NAA25: variants seen among roughly 807,000 people sequenced by gnomAD.
NAA25 encodes N-alpha-acetyltransferase 25, NatB auxiliary subunit, also known as N-terminal acetyltransferase B complex subunit NAA25.
NAA25 carries 30 observed loss-of-function variants against 132.5 expected under a neutral mutation model. The ratio of observed to expected loss-of-function variants is 0.23; its 90% CI spans 0.17 to 0.31. NAA25 has a LOEUF of 0.31. Among genes scored for constraint, NAA25 ranks in the 10% least tolerant of loss-of-function variants. The pLI is 1.00. For synonymous variants in NAA25, 359 were observed against 401.9 expected, an observed-to-expected ratio of 0.89 and a Z score of 1.28; for missense variants, 771 against 1,150.4, an observed-to-expected ratio of 0.67 and a Z score of 4.77.
rs573240106 is a variant in NAA25, at chr12:112,082,222, TG to T, written c.403-1089del. Among the ~76,000 whole-genome samples the T allele has an allele frequency of 1.4e-4, 21 of 152,134 alleles. No individual in the cohort carries two copies. The South Asian group carries it at 3.5e-3, about 26-fold the overall frequency. On this transcript the variant is annotated intron_variant, in intron 4 of 23. Transcript: ENST00000261745. ...GAGATCGTGCCACTGCACTCTAGCC[TG>T]GGCAACAGAGTAAGACTTTGTCTCC...
At chr12:112,053,459 T>C in intron 15 of NAA25, 99 bp downstream of exon 15, 1 of 865,420 alleles carries the variant, frequency 1.2e-6, no homozygotes. Context: ...TTCAGCATGG[T>C]GCACCTTAAC....
intron 9 of NAA25, among the ~76,000 whole-genome samples, chr12:112,072,949 A>C (rs1289738459): frequency 6.6e-6 from 1 of 151,248 alleles, no homozygotes; most frequent in Non-Finnish European, 1.5e-5. Context: ...AAAAAGAAAA[A>C]AAGGCCAGGC....
intron 1 of NAA25, among the ~76,000 whole-genome samples, chr12:112,097,747 C>T (rs1593837978): frequency 6.6e-6 from 1 of 152,102 alleles, no homozygotes; most frequent in African/African-American, 2.4e-5. Context: ...CCTCCCTTCT[C>T]CAGCCACAGC....
chr12:112,078,969 A>G (rs778016240), intron 5 of NAA25, among the ~76,000 whole-genome samples: 3 of 152,204 alleles, frequency 2.0e-5, no homozygotes, highest in Non-Finnish European at 1.5e-5. Flanking sequence ...CTTCCACAAT[A>G]CAACCTAGCA....
At chr12:112,047,818 T>A in intron 16 of NAA25, 28 bp from the exon 17 acceptor site, 4 of 1,571,408 alleles carry the variant, frequency 2.5e-6, no homozygotes, top group Non-Finnish European at 3.4e-6. Context: ...CCACATATTA[T>A]TTTAATAGTA....
chr12:112,084,180 C>G (rs1049971024), intron 4 of NAA25, among the ~76,000 whole-genome samples: 2 of 152,162 alleles, frequency 1.3e-5, no homozygotes, highest in African/African-American at 4.8e-5. Flanking sequence ...ACTAGCTACT[C>G]TTCATTTATG....
intron 1 of NAA25, among the ~76,000 whole-genome samples, chr12:112,095,427 ACTC>A (rs1352561978): frequency 6.7e-6 from 1 of 149,172 alleles, no homozygotes; most frequent in Non-Finnish European, 1.5e-5. Context: ...ACAGAGTGAG[ACTC>A]CGTCTAAAAA....
chr12:112,075,617 C>G (rs1027564427), intron 8 of NAA25, 61 bp downstream of exon 8: 3 of 1,329,744 alleles, frequency 2.3e-6, no homozygotes, highest in African/African-American at 2.9e-5. Flanking sequence ...CCAAGAAAAT[C>G]AATAGTGAGG....
intron 3 of NAA25, among the ~76,000 whole-genome samples, chr12:112,089,420 C>T (rs2079100431): frequency 6.6e-6 from 1 of 152,018 alleles, no homozygotes; most frequent in African/African-American, 2.4e-5. Context: ...ATACACTTAC[C>T]CCATGACTTG....
intron 11 of NAA25, among the ~76,000 whole-genome samples, chr12:112,065,091 C>T (rs779840667): frequency 1.4e-5 from 2 of 145,790 alleles, no homozygotes; most frequent in Non-Finnish European, 3.0e-5. Context: ...TGGTGGCTCA[C>T]GGCTCACGCC....
intron 4 of NAA25, among the ~76,000 whole-genome samples, chr12:112,082,782 G>C (rs904195349): frequency 6.7e-6 from 1 of 148,290 alleles, no homozygotes; most frequent in Non-Finnish European, 1.5e-5. Context: ...ATGGTGGCAG[G>C]GGGCGGGGGG....
rs1195353109 is a variant in NAA25 at position 112,090,713 on chromosome 12, G to T, written c.283+13C>A. Reference sequence around the variant, plus strand: ...AGCTCAAGTTTAAAAACAATGAAAAGAAAGAAACATACGTCGGTGCATCTC... The same window carrying T: ...AGCTCAAGTTTAAAAACAATGAAAATAAAGAAACATACGTCGGTGCATCTC... On this transcript the variant is annotated intron_variant, in intron 3 of 23. Transcript: ENST00000261745. The T allele has an allele frequency of 1.9e-6, 3 of 1,595,838 alleles. No individual in the cohort carries two copies. In the African/African-American group the frequency reaches 4.1e-5, roughly 22 times the overall value.
chr12:112,061,157 T>G, intron 12 of NAA25, 24 bp downstream of exon 12: 1 of 1,557,654 alleles, frequency 6.4e-7, no homozygotes, highest in Non-Finnish European at 8.7e-7. Flanking sequence ...AGGGAACTAC[T>G]GCACATTTTG....
chr12:112,054,668 T>A, intron 13 of NAA25, 100 bp from the exon 14 acceptor site: 1 of 1,037,576 alleles, frequency 9.6e-7, no homozygotes, highest in Non-Finnish European at 1.4e-6. Flanking sequence ...CCCCCCCCAA[T>A]AAATGAAGTT....
At chr12:112,032,650 A>C (rs1215353874) in intron 23 of NAA25, among the ~76,000 whole-genome samples, 1 of 152,230 alleles carries the variant, frequency 6.6e-6, no homozygotes, top group African/African-American at 2.4e-5. Context: ...CGGTGAATTA[A>C]CATTTACAAA....
Position 112,042,102 on chromosome 12 carries a change from C to A in NAA25, c.2377G>T (p.Asp793Tyr), listed in dbSNP as rs1394962763. 2.8e-6 allele frequency: 4 copies of A among 1,450,674 alleles called. No homozygotes were observed. The highest frequency in any genetic ancestry group is 3.7e-6 in the Non-Finnish European group (4 of 1,093,256). 89.9% of individuals were successfully genotyped at this position (1,450,674 alleles called of 1,614,324 possible). A position where few individuals can be genotyped will look rare whatever the true frequency, so the allele number is the denominator to read the frequency against. The change falls in exon 20 of 24, where the codon GAT becomes TAT. Residue 793 changes from aspartate to tyrosine, a missense_variant and splice_region_variant. Physicochemically the swap from Asp to Tyr is radical, Grantham distance 160. Around this residue, in one of 3 missense-constraint regions of NAA25, gnomAD observed 324 missense variants for 400.0 expected, o/e 0.81. Transcript: ENST00000261745. ...IYELDTSGLE[D>Y]TMEIQERIEN... ...ATTCGTTCCTGAATCTCCATTGTAT[C>A]CTCTAAAATTGAAAAACAAAAAATG...
At chr12:112,055,787 T>G (rs2078535265) in intron 13 of NAA25, among the ~76,000 whole-genome samples, 1 of 152,174 alleles carries the variant, frequency 6.6e-6, no homozygotes, top group Admixed American at 6.6e-5. Flanking sequence ...AGTGAGATTT[T>G]AAGTAAACTA....
intron 1 of NAA25, among the ~76,000 whole-genome samples, chr12:112,098,636 C>T (rs1354989267): frequency 6.6e-6 from 1 of 152,136 alleles, no homozygotes; most frequent in African/African-American, 2.4e-5. Flanking sequence ...ACAGATCAGG[C>T]AATGGAAACA....
At chr12:112,092,648 T>C (rs1449109251) in intron 2 of NAA25, among the ~76,000 whole-genome samples, 1 of 151,008 alleles carries the variant, frequency 6.6e-6, no homozygotes, top group Admixed American at 6.6e-5. Flanking sequence ...ACACTAATAG[T>C]CACTAAAGAG....
Sources: allele counts gnomAD v4.1 joint callset (sites outside exome capture counted in the v4.1 genomes callset), GRCh38; gene constraint gnomAD v4.1.1; regional missense constraint gnomAD v4.1.1; transcripts MANE v1.5; gene names NCBI Gene and HGNC (gene_info 2026-07-23, HGNC 2026-07-21).